The following SERPING1 variants were observed in gnomAD, a reference collection of about 807,000 sequenced individuals.
The protein encoded by SERPING1 is serpin family G member 1, also known as plasma protease C1 inhibitor.
Under a neutral mutation model 34.1 loss-of-function variants are expected in SERPING1, and 5 were observed. That is an observed-to-expected ratio of 0.15 (90% CI 0.08 to 0.31). The LOEUF (loss-of-function observed/expected upper bound fraction) is 0.31, where lower values mean the gene tolerates loss of function less well. Among genes scored for constraint, SERPING1 ranks in the 10% least tolerant of loss-of-function variants. SERPING1 has a pLI of 1.00. For synonymous variants in SERPING1, 225 were observed against 242.4 expected (o/e 0.93, Z 0.67); for missense variants, 505 against 609.5 (o/e 0.83, Z 1.81).
intron 3 of SERPING1, among the ~76,000 whole-genome samples, chr11:57,601,042 C>A (rs1200199459): frequency 6.6e-6 from 1 of 151,866 alleles, no homozygotes; most frequent in Non-Finnish European, 1.5e-5. Context: ...TCACTTTAAC[C>A]TCTCTGAGCC....
At chr11:57,598,442 G>A in intron 2 of SERPING1, 121 bp downstream of exon 2, 2 of 961,868 alleles carry the variant, frequency 2.1e-6, no homozygotes, top group South Asian at 1.5e-5. Flanking sequence ...AGCTCCTCTT[G>A]GGATCATTGA....
At chr11:57,606,288 C>T in intron 5 of SERPING1, 75 bp downstream of exon 5, 1 of 1,600,084 alleles carries the variant, frequency 6.2e-7, no homozygotes, top group Non-Finnish European at 8.6e-7. Flanking sequence ...GCCCACTTAA[C>T]CCCAAGTTCT....
Position 57,602,188 on chromosome 11 carries a change from G to A in SERPING1, c.685+19G>A. On this transcript the variant is annotated intron_variant, in intron 4 of 7. Coordinates refer to ENST00000278407, the MANE Select transcript of SERPING1 (RefSeq NM_000062.3). ...AGCCCAGGTGAGTGCCCAGGAATGGGCAGTGTCTGCAGAGGAGGGTCCTGA... is the reference window on the plus strand; with the variant it reads ...AGCCCAGGTGAGTGCCCAGGAATGGACAGTGTCTGCAGAGGAGGGTCCTGA... The A allele has an allele frequency of 2.5e-6, 4 of 1,614,024 alleles. No homozygotes were observed. The highest frequency in any genetic ancestry group is 3.4e-6 in the Non-Finnish European group (4 of 1,179,968).
At chr11:57,613,445 C>T (rs1285837343) in intron 7 of SERPING1, among the ~76,000 whole-genome samples, 2 of 152,196 alleles carry the variant, frequency 1.3e-5, no homozygotes, top group African/African-American at 4.8e-5. Context: ...GCTAGGGTTT[C>T]ATCATTTGCT....
At chr11:57,610,381 A>T (rs1224726735) in intron 6 of SERPING1, among the ~76,000 whole-genome samples, 2 of 152,212 alleles carry the variant, frequency 1.3e-5, no homozygotes, top group African/African-American at 4.8e-5. Flanking sequence ...TCAGAGATTC[A>T]AGGTTCATAC....
At chr11:57,612,902 G>A (rs1437788844) in intron 7 of SERPING1, among the ~76,000 whole-genome samples, 5 of 151,788 alleles carry the variant, frequency 3.3e-5, no homozygotes, top group Admixed American at 1.3e-4. Context: ...CTACCACCAC[G>A]CCCAGCTAAT....
Position 57,611,736 on chromosome 11 carries a change from C to T in SERPING1, c.1049C>T (p.Ser350Phe), listed in dbSNP as rs369960628. Reference sequence around the variant, plus strand: ...TTCTAGGTGGGGCAGCTGCAGCTCTCCCACAATCTGAGTTTGGTGATCCTG... The same window carrying T: ...TTCTAGGTGGGGCAGCTGCAGCTCTTCCACAATCTGAGTTTGGTGATCCTG... ...LKAKVGQLQL[S>F]HNLSLVILVP... Residue 350 changes from serine to phenylalanine, a missense_variant, in exon 7 of 8, where the codon TCC (serine) becomes TTC (phenylalanine). Physicochemically the swap from Ser to Phe is radical, Grantham distance 155 (BLOSUM62 -2). Coordinates refer to ENST00000278407, the MANE Select transcript of SERPING1 (RefSeq NM_000062.3). The T allele has an allele frequency of 8.7e-6, 14 of 1,614,140 alleles. No homozygotes were observed. Among genetic ancestry groups the T allele is most frequent in the Non-Finnish European group, 1.2e-5 (14 of 1,179,996 alleles).
At chr11:57,599,704 C>T (rs530750081) in intron 2 of SERPING1, among the ~76,000 whole-genome samples, 175 bp from the exon 3 acceptor site, 4 of 152,326 alleles carry the variant, frequency 2.6e-5, no homozygotes, top group African/African-American at 9.6e-5. Flanking sequence ...TGCCCCTTCT[C>T]TGAGGAATTA....
At chr11:57,598,431 G>A in intron 2 of SERPING1, 110 bp downstream of exon 2, 2 of 1,070,074 alleles carry the variant, frequency 1.9e-6, no homozygotes, top group Non-Finnish European at 2.7e-6. Context: ...GGAATGAGGA[G>A]AGCTCCTCTT....
intron 4 of SERPING1, among the ~76,000 whole-genome samples, chr11:57,602,430 A>G (rs1478466800): frequency 6.6e-6 from 1 of 152,214 alleles, no homozygotes; most frequent in African/African-American, 2.4e-5. Flanking sequence ...ACAGTAAAAT[A>G]GTGATGATGC....
Position 57,611,872 on chromosome 11 carries a change from C to T in SERPING1, c.1185C>T (p.Leu395=). ...KLEMSKFQPT[L]LTLPRIKVTT... is the part of the protein sequence containing the mutation. ...AGATGTCCAAGTTCCAGCCCACTCT[C>T]CTAACACTACCCCGCATCAAAGTGA... is the stretch of plus-strand genomic sequence containing the variant. The change falls in exon 7 of 8, where the codon CTC becomes CTT. Residue 395 remains leucine, a synonymous_variant. Coordinates refer to ENST00000278407, the MANE Select transcript of SERPING1 (RefSeq NM_000062.3). The T allele has an allele frequency of 1.2e-6, 2 of 1,614,208 alleles. No individual in the cohort carries two copies. Among genetic ancestry groups the T allele is most frequent in the Non-Finnish European group, 1.7e-6 (2 of 1,180,050 alleles).
chr11:57,613,636 G>A (rs534664549), intron 7 of SERPING1, among the ~76,000 whole-genome samples: 84 of 152,344 alleles, frequency 5.5e-4, no homozygotes, highest in Non-Finnish European at 1.1e-3. Context: ...ACACATGTAT[G>A]TGTTCACCAA....
intron 7 of SERPING1, among the ~76,000 whole-genome samples, chr11:57,612,827 C>T (rs990256421): frequency 2.0e-5 from 3 of 152,090 alleles, no homozygotes; most frequent in African/African-American, 7.2e-5. Flanking sequence ...TCACTGCAAC[C>T]TCCGCCTCCT....
intron 6 of SERPING1, among the ~76,000 whole-genome samples, chr11:57,608,782 G>A (rs1439091767): frequency 1.3e-5 from 2 of 150,554 alleles, no homozygotes; most frequent in South Asian, 4.2e-4. Flanking sequence ...TAAAGTGCTG[G>A]CATTACAGGC....
At position 57,606,532 on chromosome 11, in the gene SERPING1, A is replaced by G. The variant is rs1309341263; in HGVS notation, c.1014A>G (p.Gln338=). The change falls in exon 6 of 8, where the codon CAA becomes CAG. Residue 338 remains glutamine, a synonymous_variant. Coordinates refer to ENST00000278407, the MANE Select transcript of SERPING1 (RefSeq NM_000062.3). ...ACCCTGTGGCCCATTTCATTGACCAAACTTTGAAAGCCAAGGTAAGTTCTT... is the reference window on the plus strand; with the variant it reads ...ACCCTGTGGCCCATTTCATTGACCAGACTTTGAAAGCCAAGGTAAGTTCTT... The part of the protein sequence containing the change: ...KKYPVAHFID[Q]TLKAKVGQLQ... 2 of 1,614,034 alleles carry G rather than the reference A, an allele frequency of 1.2e-6. No individual in the cohort carries two copies. The highest frequency in any genetic ancestry group is 1.3e-5 in the African/African-American group (1 of 74,920).
chr11:57,613,096 G>C (rs1295006257), intron 7 of SERPING1, among the ~76,000 whole-genome samples: 1 of 152,140 alleles, frequency 6.6e-6, no homozygotes, highest in Non-Finnish European at 1.5e-5. Flanking sequence ...TTCATTTCTT[G>C]TTAGAGAATT....
At chr11:57,612,069 G>T in intron 7 of SERPING1, 133 bp downstream of exon 7, 1 of 790,178 alleles carries the variant, frequency 1.3e-6, no homozygotes. Flanking sequence ...CTGCAAGTTA[G>T]AGGGGTAGGT....
chr11:57,612,020 G>T (rs903074098), intron 7 of SERPING1, 84 bp downstream of exon 7: 10 of 1,179,966 alleles, frequency 8.5e-6, no homozygotes, highest in Non-Finnish European at 1.3e-5. Context: ...ATTCTCTAGA[G>T]TATTTTTTAC....
At chr11:57,603,106 G>A (rs1276121818) in intron 4 of SERPING1, among the ~76,000 whole-genome samples, 1 of 150,816 alleles carries the variant, frequency 6.6e-6, no homozygotes, top group Non-Finnish European at 1.5e-5. Context: ...GGTGGCAGGC[G>A]CCTATAATCC....
Sources: gnomAD v4.1 joint callset for allele counts (sites outside exome capture counted in the v4.1 genomes callset) on GRCh38, gnomAD v4.1.1 for gene constraint, MANE v1.5 for transcripts, NCBI Gene and HGNC (gene_info 2026-07-23, HGNC 2026-07-21) for gene names.